Variants in SLC26A5 observed in about 807,000 individuals in gnomAD.
SLC26A5 encodes the protein solute carrier family 26 member 5.
Under a neutral mutation model 81.0 loss-of-function variants are expected in SLC26A5, and 51 were observed. That is an observed-to-expected ratio of 0.63 (90% CI 0.50 to 0.80). The LOEUF (loss-of-function observed/expected upper bound fraction) is 0.80, where lower values mean the gene tolerates loss of function less well. Among genes scored for constraint, SLC26A5 ranks in the 30% least tolerant of loss-of-function variants. The pLI is 0.00. For synonymous variants in SLC26A5, 325 were observed against 332.8 expected, an observed-to-expected ratio of 0.98 and a Z score of 0.25; for missense variants, 771 against 905.8, an observed-to-expected ratio of 0.85 and a Z score of 1.91.
chr7:103,424,655 ATCAGAC>A (rs1230333447), intron 2 of SLC26A5, among the ~76,000 whole-genome samples: 3 of 152,352 alleles, frequency 2.0e-5, no homozygotes, highest in East Asian at 3.9e-4. Context: ...TCTAATAAGA[ATCAGAC>A]TCTAGTTTTT....
intron 14 of SLC26A5, among the ~76,000 whole-genome samples, chr7:103,386,547 A>G (rs1345749690): frequency 6.6e-6 from 1 of 152,002 alleles, no homozygotes; most frequent in Non-Finnish European, 1.5e-5. Context: ...TGGGTGACAG[A>G]GCAAGACTCT....
intron 9 of SLC26A5, among the ~76,000 whole-genome samples, chr7:103,396,236 GGGAC>G (rs761460015): frequency 4.6e-5 from 7 of 152,162 alleles, no homozygotes; most frequent in Non-Finnish European, 1.0e-4. Flanking sequence ...CACTATGGGT[GGGAC>G]TGTAAAATGG....
At chr7:103,368,520 A>G (rs1820841549) in intron 19 of SLC26A5, 1 of 152,854 alleles carries the variant, frequency 6.5e-6, no homozygotes, top group African/African-American at 2.4e-5. Context: ...GCAACAAAGT[A>G]GCTCACTTAG....
intron 19 of SLC26A5, among the ~76,000 whole-genome samples, chr7:103,356,842 C>G (rs925674364): frequency 6.6e-6 from 1 of 151,990 alleles, no homozygotes; most frequent in South Asian, 2.1e-4. Flanking sequence ...AAACCTAGCC[C>G]AATTCAAGGC....
intron 8 of SLC26A5, among the ~76,000 whole-genome samples, chr7:103,399,008 A>G (rs1823370950): frequency 6.6e-6 from 1 of 152,200 alleles, no homozygotes; most frequent in African/African-American, 2.4e-5. Flanking sequence ...CTGGAGCTAT[A>G]ATTTTATACA....
intron 2 of SLC26A5, among the ~76,000 whole-genome samples, chr7:103,435,700 C>T (rs965423669): frequency 1.3e-5 from 2 of 152,200 alleles, no homozygotes; most frequent in South Asian, 2.1e-4. Context: ...GCATGCTCCC[C>T]ATTGCTGCTA....
At chr7:103,369,726 C>T (rs1489036376), downstream of SLC26A5, among the ~76,000 whole-genome samples, 3 of 150,164 alleles carry the variant, frequency 2.0e-5, no homozygotes, top group Non-Finnish European at 4.5e-5. Context: ...TGTAGATGCA[C>T]ATATATATAT....
intron 19 of SLC26A5, chr7:103,355,028 C>T: frequency 1.1e-6 from 1 of 922,338 alleles, no homozygotes; most frequent in South Asian, 1.4e-5. Context: ...ACAGATTTTA[C>T]TCCTTCATGA....
chr7:103,377,524 C>T, intron 18 of SLC26A5, 75 bp downstream of exon 18: 1 of 1,360,670 alleles, frequency 7.3e-7, no homozygotes, highest in Admixed American at 1.7e-5. Flanking sequence ...AGAGCCTAGC[C>T]CACCTCCCTG....
chr7:103,395,535 T>A (rs935804370), intron 9 of SLC26A5, among the ~76,000 whole-genome samples: 77 of 145,228 alleles, frequency 5.3e-4, no homozygotes, highest in Middle Eastern at 7.2e-3. Context: ...TTTTTTTTTT[T>A]TTTTTGAGAT....
intron 19 of SLC26A5, chr7:103,363,352 G>A (rs746034947): frequency 3.6e-5 from 58 of 1,613,228 alleles, no homozygotes; most frequent in Non-Finnish European, 3.3e-5. Flanking sequence ...AGGTGGAAGA[G>A]AAACCTGATG....
chr7:103,402,871 T>C (rs1823723660), intron 8 of SLC26A5, among the ~76,000 whole-genome samples: 1 of 152,212 alleles, frequency 6.6e-6, no homozygotes, highest in African/African-American at 2.4e-5. Context: ...TGTCTCTATC[T>C]CCTTCAGTTC....
chr7:103,385,829 T>C (rs1204605903), intron 14 of SLC26A5, among the ~76,000 whole-genome samples: 1 of 151,750 alleles, frequency 6.6e-6, no homozygotes, highest in Non-Finnish European at 1.5e-5. Flanking sequence ...GCCTTCCAAG[T>C]AGCTGGGACC....
chr7:103,441,339 A>G (rs981544825), intron 2 of SLC26A5, among the ~76,000 whole-genome samples: 1 of 152,218 alleles, frequency 6.6e-6, no homozygotes, highest in Admixed American at 6.5e-5. Context: ...AATACCTTTC[A>G]TGGATTACAA....
At chr7:103,431,075 GAGGTAAA>G (rs1472149836) in intron 2 of SLC26A5, among the ~76,000 whole-genome samples, 1 of 152,148 alleles carries the variant, frequency 6.6e-6, no homozygotes, top group Admixed American at 6.5e-5. Flanking sequence ...AATTTTCTTT[GAGGTAAA>G]AAGCTCAGTA....
chr7:103,430,403 G>GT (rs947155230), intron 2 of SLC26A5, among the ~76,000 whole-genome samples: 3 of 152,144 alleles, frequency 2.0e-5, no homozygotes, highest in African/African-American at 4.8e-5. Flanking sequence ...AGAGCTTCAT[G>GT]TTTTTTTGCA....
intron 19 of SLC26A5, among the ~76,000 whole-genome samples, chr7:103,353,499 G>A (rs1165905262): frequency 4.6e-5 from 7 of 152,264 alleles, no homozygotes; most frequent in Admixed American, 4.6e-4. Flanking sequence ...TAGAGACGGG[G>A]TTTCGCCAGG....
chr7:103,417,587 G>A (rs558575566), intron 4 of SLC26A5, among the ~76,000 whole-genome samples: 104 of 151,940 alleles, frequency 6.8e-4, no homozygotes, highest in Non-Finnish European at 1.0e-3. Context: ...TGGTTTAAAT[G>A]CTTTCTATAG....
At chr7:103,414,675 C>A (rs1446739782) in intron 4 of SLC26A5, among the ~76,000 whole-genome samples, 1 of 152,178 alleles carries the variant, frequency 6.6e-6, no homozygotes, top group East Asian at 1.9e-4. Flanking sequence ...TGAAGGCCAT[C>A]TTGATTGCTT....
Sources: gnomAD v4.1 joint callset for allele counts (sites outside exome capture counted in the v4.1 genomes callset) on GRCh38, gnomAD v4.1.1 for gene constraint, MANE v1.5 for transcripts, NCBI Gene and HGNC (gene_info 2026-07-23, HGNC 2026-07-21) for gene names.